The following PCDHGA6 variants were observed in gnomAD, a reference collection of about 807,000 sequenced individuals.
PCDHGA6 encodes protocadherin gamma-A6.
In PCDHGA6, 41 loss-of-function variants were observed where a neutral mutation model predicts 60.6. The ratio of observed to expected loss-of-function variants is 0.68; its 90% CI spans 0.53 to 0.88. PCDHGA6 has a LOEUF of 0.88. Ranked by LOEUF, PCDHGA6 falls within the 40% of genes least tolerant of loss-of-function variation. The pLI, the probability that PCDHGA6 is intolerant of heterozygous loss-of-function variation, is 0.00. For missense variants in PCDHGA6, 1,312 were observed against 1,203.0 expected, an observed-to-expected ratio of 1.09 and a Z score of -1.34; for synonymous variants, 594 against 524.4, an observed-to-expected ratio of 1.13 and a Z score of -1.81.
chr5:141,428,200 G>A (rs1000165985), intron 1 of PCDHGA6: 3 of 1,363,858 alleles, frequency 2.2e-6, no homozygotes, highest in East Asian at 2.3e-5. Flanking sequence ...TCTCTGCGCC[G>A]CTACGCTTCA....
At chr5:141,385,865 G>T (rs1329915375) in intron 1 of PCDHGA6, 1 of 152,944 alleles carries the variant, frequency 6.5e-6, no homozygotes, top group Admixed American at 6.5e-5. Context: ...GTAGTAGAAG[G>T]TTGGATTTAT....
At chr5:141,399,434 T>C (rs937697147) in intron 1 of PCDHGA6, 1 of 1,614,008 alleles carries the variant, frequency 6.2e-7, no homozygotes. Flanking sequence ...AGCGTCATCC[T>C]ACATATCAGA....
intron 1 of PCDHGA6, chr5:141,419,647 G>A (rs370948584): frequency 1.0e-4 from 165 of 1,612,474 alleles, no homozygotes; most frequent in Non-Finnish European, 1.4e-4. Context: ...CCGTGGACGC[G>A]GACTCGGGGC....
At chr5:141,480,738 T>C (rs2099524955) in intron 1 of PCDHGA6, among the ~76,000 whole-genome samples, 1 of 152,124 alleles carries the variant, frequency 6.6e-6, no homozygotes, top group Admixed American at 6.5e-5. Flanking sequence ...GGGTGGGACA[T>C]AGGCATCATT....
At chr5:141,503,005 G>A (rs915064303) in intron 2 of PCDHGA6, among the ~76,000 whole-genome samples, 16 of 145,340 alleles carry the variant, frequency 1.1e-4, no homozygotes, top group African/African-American at 2.3e-4. Flanking sequence ...CACCATGCCC[G>A]GTTAATTTTT....
At chr5:141,478,295 T>C (rs1210224121) in intron 1 of PCDHGA6, 5 of 1,614,004 alleles carry the variant, frequency 3.1e-6, no homozygotes, top group African/African-American at 2.7e-5. Flanking sequence ...TAGAGACCTA[T>C]ACCGAGCCCC....
In PCDHGA6 at chr5:141,485,441, A is replaced by G. The variant is rs1562105312; in HGVS notation, c.2425-9366A>G. ...CGGAGCCCTGCTCATCAAGAACCCA[A>G]TCGACCGAGAGGCACTGTGTGGGCT... On this transcript the variant is annotated intron_variant, in intron 1 of 3. Transcript: ENST00000517434. The surrounding 1 kb of genome is among the most constrained non-coding windows in gnomAD (Gnocchi z 5.7). 3 of 1,613,910 alleles carry G rather than the reference A, an allele frequency of 1.9e-6. No homozygotes were observed. Among genetic ancestry groups the G allele is most frequent in the South Asian group, 1.1e-5 (1 of 91,062 alleles).
chr5:141,452,303 G>C (rs1271182127), intron 1 of PCDHGA6, among the ~76,000 whole-genome samples: 1 of 152,048 alleles, frequency 6.6e-6, no homozygotes, highest in Non-Finnish European at 1.5e-5. Flanking sequence ...GAAAATATTA[G>C]AGACTCATAC....
At chr5:141,492,191 G>A (rs996614987) in intron 1 of PCDHGA6, among the ~76,000 whole-genome samples, 1 of 152,204 alleles carries the variant, frequency 6.6e-6, no homozygotes, top group African/African-American at 2.4e-5. Context: ...ACCTGTCTGC[G>A]GGACTTAGGT....
chr5:141,421,379 A>G, intron 1 of PCDHGA6: 1 of 1,614,054 alleles, frequency 6.2e-7, no homozygotes, highest in Non-Finnish European at 8.5e-7. Flanking sequence ...AATATCTCCA[A>G]GGACCTGGGG....
chr5:141,408,315 C>T lies in PCDHGA6; in HGVS notation c.2424+31808C>T, dbSNP rs757628906. The stretch of plus-strand genomic sequence containing the variant: ...AGTGAGCCGATCCGCTACTCGATTC[C>T]GGAGGAGCTGGCCAAGGGCTCGGTG... On this transcript the variant is annotated intron_variant, in intron 1 of 3. Coordinates refer to ENST00000517434, the MANE Select transcript of PCDHGA6 (RefSeq NM_018919.3). The T allele has an allele frequency of 5.6e-6, 9 of 1,613,712 alleles. No homozygotes were observed. The highest frequency in any genetic ancestry group is 6.8e-6 in the Non-Finnish European group (8 of 1,179,748).
At position 141,431,735 on chromosome 5, in the gene PCDHGA6, G is replaced by A. The variant is rs2097411908; in HGVS notation, c.2424+55228G>A. 1.2e-6 allele frequency: 2 copies of A among 1,614,118 alleles called. No homozygotes were observed. Among genetic ancestry groups the A allele is most frequent in the Non-Finnish European group, 1.7e-6 (2 of 1,180,056 alleles). On this transcript the variant is annotated intron_variant, in intron 1 of 3. Transcript: ENST00000517434. The surrounding 1 kb of genome is among the most constrained non-coding windows in gnomAD (Gnocchi z 4.8). ...GGAAGTGCAAGCAATGGATAATGCAGGATATTCTGCGCGAGCCAAAGTCCT... is the reference window on the plus strand; with the variant it reads ...GGAAGTGCAAGCAATGGATAATGCAAGATATTCTGCGCGAGCCAAAGTCCT...
At chr5:141,504,476 A>G (rs998883721) in intron 2 of PCDHGA6, among the ~76,000 whole-genome samples, 4 of 152,016 alleles carry the variant, frequency 2.6e-5, no homozygotes, top group African/African-American at 9.7e-5. Context: ...GGATGGGAGT[A>G]CAGTGGAGGC....
In PCDHGA6 at chr5:141,476,659, G is replaced by A; in HGVS notation, c.2425-18148G>A. On this transcript the variant is annotated intron_variant, in intron 1 of 3. Coordinates refer to ENST00000517434, the MANE Select transcript of PCDHGA6 (RefSeq NM_018919.3). The surrounding 1 kb of genome is among the most constrained non-coding windows in gnomAD (Gnocchi z 7.6). ...AGCTGAGCCGAAATGAATACTTTGC[G>A]CTTCGCGTGCAGACGCGGGAGGACA... 2 of 1,614,252 alleles carry A rather than the reference G, an allele frequency of 1.2e-6. No homozygotes were observed. Among genetic ancestry groups the A allele is most frequent in the Non-Finnish European group, 8.5e-7 (1 of 1,180,048 alleles).
At chr5:141,466,545 T>C (rs2099124777) in intron 1 of PCDHGA6, among the ~76,000 whole-genome samples, 1 of 152,216 alleles carries the variant, frequency 6.6e-6, no homozygotes. Flanking sequence ...AGATGGTCTT[T>C]TGCTGTGGGC....
chr5:141,393,460 A>ATGGC (rs754334472), intron 1 of PCDHGA6: 1 of 1,614,052 alleles, frequency 6.2e-7, no homozygotes, highest in South Asian at 1.1e-5. Flanking sequence ...ACGGCCTCGG[A>ATGGC]TGGCGGCAAG....
In PCDHGA6 at chr5:141,432,143, C is replaced by G; in HGVS notation, c.2424+55636C>G. 2 of 1,614,084 alleles carry G rather than the reference C, an allele frequency of 1.2e-6. No homozygotes were observed. Among genetic ancestry groups the G allele is most frequent in the Non-Finnish European group, 1.7e-6 (2 of 1,180,006 alleles). Reference sequence around the variant, plus strand: ...TCAGGCCTCCTATTCCGCTTATATCCCAGAGAACAATCCCAGAGGAGTTTC... The same window carrying G: ...TCAGGCCTCCTATTCCGCTTATATCGCAGAGAACAATCCCAGAGGAGTTTC... On this transcript the variant is annotated intron_variant, in intron 1 of 3. Coordinates refer to ENST00000517434, the MANE Select transcript of PCDHGA6 (RefSeq NM_018919.3). This position sits in a 1 kb window ranked among gnomAD's most constrained non-coding sequence, Gnocchi z 6.0.
At chr5:141,455,128 T>C (rs2098813900) in intron 1 of PCDHGA6, among the ~76,000 whole-genome samples, 2 of 151,962 alleles carry the variant, frequency 1.3e-5, no homozygotes, top group Admixed American at 6.6e-5. Context: ...ATGTTTTAAA[T>C]TACACTGTGT....
chr5:141,395,420 T>A, intron 1 of PCDHGA6: 1 of 771,734 alleles, frequency 1.3e-6, no homozygotes, highest in Non-Finnish European at 2.0e-6. Flanking sequence ...ATTGTTTCAT[T>A]TGCTTTTAAA....
Sources: allele counts gnomAD v4.1 joint callset (sites outside exome capture counted in the v4.1 genomes callset), GRCh38; gene constraint gnomAD v4.1.1; non-coding constraint Gnocchi (gnomAD v3.1); transcripts MANE v1.5; gene names NCBI Gene and HGNC (gene_info 2026-07-23, HGNC 2026-07-21).